Variants in SNTG1 observed in about 807,000 individuals in gnomAD.
The protein encoded by SNTG1 is gamma-1-syntrophin.
A neutral mutation model predicts 74.7 loss-of-function variants in SNTG1; 39 were observed. The ratio of observed to expected loss-of-function variants is 0.52; its 90% confidence interval spans 0.40 to 0.68. The LOEUF is 0.68. Ranked by LOEUF, SNTG1 falls within the 30% of genes least tolerant of loss-of-function variation. The probability of loss-of-function intolerance (pLI) is 0.00; values close to 1 mark genes in which losing one functional copy is unlikely to be tolerated. For missense variants in SNTG1, 685 were observed against 609.5 expected, an observed-to-expected ratio of 1.12 and a Z score of -1.30; for synonymous variants, 254 against 217.1, an observed-to-expected ratio of 1.17 and a Z score of -1.49.
At chr8:50,199,567 T>C (rs1245766767) in intron 2 of SNTG1, among the ~76,000 whole-genome samples, 2 of 152,004 alleles carry the variant, frequency 1.3e-5, no homozygotes, top group African/African-American at 4.8e-5. Context: ...CAACGTGGAG[T>C]TGAGCCCAAA....
chr8:50,412,811 T>C (rs915666507), intron 4 of SNTG1, among the ~76,000 whole-genome samples: 5 of 152,104 alleles, frequency 3.3e-5, no homozygotes, highest in African/African-American at 1.2e-4. Context: ...TAATCAAGGA[T>C]GGTTTAGTCA....
chr8:50,235,450 A>G (rs993971939), intron 2 of SNTG1, among the ~76,000 whole-genome samples: 10 of 152,226 alleles, frequency 6.6e-5, no homozygotes, highest in African/African-American at 2.4e-4. Flanking sequence ...CATGTTGTAC[A>G]TGACAAATAC....
At chr8:50,587,399 T>G (rs2094657430) in intron 12 of SNTG1, among the ~76,000 whole-genome samples, 1 of 152,116 alleles carries the variant, frequency 6.6e-6, no homozygotes, top group Non-Finnish European at 1.5e-5. Context: ...TGTTATAAAG[T>G]TTTGGATATA....
intron 13 of SNTG1, among the ~76,000 whole-genome samples, chr8:50,649,671 T>C (rs1244339952): frequency 6.6e-6 from 1 of 152,198 alleles, no homozygotes; most frequent in East Asian, 1.9e-4. Context: ...GCACTTTGGT[T>C]GAATACTTTC....
At chr8:50,036,817 A>G (rs1403261990) in intron 1 of SNTG1, among the ~76,000 whole-genome samples, 2 of 152,238 alleles carry the variant, frequency 1.3e-5, no homozygotes, top group Admixed American at 6.5e-5. Context: ...AAGAAATATT[A>G]TACCATCTTT....
chr8:50,764,900 G>T (rs73677507), intron 18 of SNTG1, among the ~76,000 whole-genome samples: 3,023 of 151,914 alleles, frequency 0.02, 93 homozygotes, highest in African/African-American at 0.065. Context: ...ACTGATAAAT[G>T]GATAAATAAA....
intron 15 of SNTG1, among the ~76,000 whole-genome samples, chr8:50,663,077 A>C (rs2095232735): frequency 6.6e-6 from 1 of 152,158 alleles, no homozygotes; most frequent in African/African-American, 2.4e-5. Flanking sequence ...CCACAGAGGA[A>C]GATGTGTCAT....
At chr8:50,127,147 C>A (rs1231707658) in intron 1 of SNTG1, among the ~76,000 whole-genome samples, 1 of 151,948 alleles carries the variant, frequency 6.6e-6, no homozygotes, top group African/African-American at 2.4e-5. Context: ...TAAAGGATTC[C>A]TGAGTGAAGG....
At position 50,122,070 on chromosome 8, in the gene SNTG1, C is replaced by A. The variant is rs767732251; in HGVS notation, c.-102-50491C>A. ...ACCTGCTCCTCAGCACCATGTCCAACCCTCGATGCCCCCTGCCTTGGTTTA... is the reference window on the plus strand; with the variant it reads ...ACCTGCTCCTCAGCACCATGTCCAAACCTCGATGCCCCCTGCCTTGGTTTA... On this transcript the variant is annotated intron_variant, in intron 1 of 18. Transcript: ENST00000642720. Among the ~76,000 whole-genome samples the A allele has an allele frequency of 4.3e-5, 6 of 140,766 alleles. 1 individual carries two copies. Among genetic ancestry groups the A allele is most frequent in the African/African-American group, 7.7e-5 (3 of 38,852 alleles). The allele number at this position is 140,766 out of a possible 152,430, so 92.3% of individuals were successfully genotyped here.
intron 1 of SNTG1, among the ~76,000 whole-genome samples, chr8:50,090,599 C>G (rs185430410): frequency 1.1e-4 from 16 of 152,248 alleles, no homozygotes; most frequent in Admixed American, 6.6e-4. Context: ...CGGGTGAAGA[C>G]AATGAGCTAA....
At chr8:50,169,986 C>T (rs191207821) in intron 1 of SNTG1, among the ~76,000 whole-genome samples, 6 of 152,180 alleles carry the variant, frequency 3.9e-5, no homozygotes, top group Admixed American at 2.0e-4. Context: ...AATAGGTAAT[C>T]GTGGAAATGA....
chr8:50,466,694 C>T (rs2093611355), intron 8 of SNTG1, among the ~76,000 whole-genome samples: 1 of 151,932 alleles, frequency 6.6e-6, no homozygotes, highest in Non-Finnish European at 1.5e-5. Context: ...TTTAGATTGC[C>T]TTTGCTCTAT....
At chr8:50,423,201 A>G (rs1489888684) in intron 4 of SNTG1, among the ~76,000 whole-genome samples, 2 of 152,230 alleles carry the variant, frequency 1.3e-5, no homozygotes, top group Admixed American at 1.3e-4. Flanking sequence ...AATAACAGGG[A>G]GATACAAGGA....
chr8:50,229,346 A>G (rs981291872), intron 2 of SNTG1, among the ~76,000 whole-genome samples: 3 of 151,592 alleles, frequency 2.0e-5, no homozygotes, highest in Admixed American at 6.6e-5. Context: ...CTGATACACT[A>G]TCAGAAATCC....
chr8:49,982,455 C>T (rs1205970653), intron 1 of SNTG1, among the ~76,000 whole-genome samples: 1 of 151,708 alleles, frequency 6.6e-6, no homozygotes, highest in Non-Finnish European at 1.5e-5. Flanking sequence ...ATTTTGAATC[C>T]ATAACTATAT....
chr8:50,651,584 A>G (rs1357046764), intron 13 of SNTG1, among the ~76,000 whole-genome samples: 1 of 150,442 alleles, frequency 6.6e-6, no homozygotes. Flanking sequence ...CAGCCTCCCG[A>G]GTAGCTGGGA....
intron 1 of SNTG1, among the ~76,000 whole-genome samples, chr8:50,146,592 A>G (rs976434503): frequency 7.2e-5 from 11 of 152,158 alleles, no homozygotes; most frequent in African/African-American, 2.7e-4. Context: ...TTGAAAGGTA[A>G]GGCAGGCTTA....
Position 50,295,083 on chromosome 8 carries a change from G to T in SNTG1, c.-27-99129G>T, listed in dbSNP as rs1024082675. On this transcript the variant is annotated intron_variant, in intron 2 of 18. Transcript: ENST00000642720. The stretch of plus-strand genomic sequence containing the variant: ...TACCTATGGAGGTACTGTAGTCTGA[G>T]AAGGAAACAATTTAAGACAATACCT... 3.9e-5 allele frequency among the ~76,000 whole-genome samples: 6 copies of T among 152,204 alleles called. No homozygotes were observed. The East Asian group carries it at 1.2e-3, about 29-fold the overall frequency.
At position 50,422,270 on chromosome 8, in the gene SNTG1, A is replaced by ATCTATCTATCTAT. The variant is rs61696608; in HGVS notation, c.163-16273_163-16272insTCTATCTATCTAT. Among the ~76,000 whole-genome samples, 885 of 151,696 alleles carry ATCTATCTATCTAT rather than the reference A, an allele frequency of 5.8e-3. 10 individuals are homozygous for ATCTATCTATCTAT. Among genetic ancestry groups the ATCTATCTATCTAT allele is most frequent in the African/African-American group, 0.017 (702 of 41,204 alleles). On this transcript the variant is annotated intron_variant, in intron 4 of 18. Transcript: ENST00000642720. ...TATCTATCTATCTATCTATCTATCT[A>ATCTATCTATCTAT]CTATCTATCTATCTATGTAGATAGG... is the stretch of plus-strand genomic sequence containing the variant.
Sources: allele counts gnomAD v4.1 joint callset (sites outside exome capture counted in the v4.1 genomes callset), GRCh38; gene constraint gnomAD v4.1.1; transcripts MANE v1.5; gene names NCBI Gene and HGNC (gene_info 2026-07-23, HGNC 2026-07-21).